Variants in ADCY8 observed in about 807,000 individuals in gnomAD.
ADCY8 encodes the protein adenylate cyclase type 8.
ADCY8 carries 51 observed loss-of-function variants against 119.7 expected under a neutral mutation model. That is an observed-to-expected ratio of 0.43 (90% CI 0.34 to 0.54). ADCY8 has a LOEUF of 0.54. Ranked by LOEUF, ADCY8 falls within the 20% of genes least tolerant of loss-of-function variation. ADCY8 has a pLI of 0.03. For missense variants in ADCY8, 1,383 were observed against 1,598.8 expected, an observed-to-expected ratio of 0.87 and a Z score of 2.30; for synonymous variants, 665 against 651.0, an observed-to-expected ratio of 1.02 and a Z score of -0.33.
At chr8:130,942,418 C>T (rs1820983395) in intron 4 of ADCY8, among the ~76,000 whole-genome samples, 1 of 152,226 alleles carries the variant, frequency 6.6e-6, no homozygotes, top group Non-Finnish European at 1.5e-5. Flanking sequence ...GCACATTTTA[C>T]ATTCCTTACC....
At chr8:130,865,850 G>A (rs1388058452) in intron 9 of ADCY8, among the ~76,000 whole-genome samples, 2 of 152,106 alleles carry the variant, frequency 1.3e-5, no homozygotes, top group African/African-American at 4.8e-5. Context: ...TAGATGATCA[G>A]TTTCACGAGT....
chr8:130,860,799 A>C (rs1817901973), intron 9 of ADCY8, among the ~76,000 whole-genome samples: 2 of 150,130 alleles, frequency 1.3e-5, no homozygotes, highest in African/African-American at 2.5e-5. Flanking sequence ...CTTGCCCCCC[A>C]CCCCCAACAG....
chr8:130,797,400 T>C (rs1255667316), intron 15 of ADCY8, among the ~76,000 whole-genome samples: 1 of 152,208 alleles, frequency 6.6e-6, no homozygotes, highest in African/African-American at 2.4e-5. Context: ...TAGTCAGATA[T>C]TTTTAATAGG....
At chr8:130,962,328 A>G (rs1422684991) in intron 2 of ADCY8, among the ~76,000 whole-genome samples, 2 of 152,020 alleles carry the variant, frequency 1.3e-5, no homozygotes, top group South Asian at 2.1e-4. Context: ...ACGATTCCCA[A>G]CTCCTGCTGG....
intron 2 of ADCY8, among the ~76,000 whole-genome samples, chr8:130,963,965 A>G (rs1282077169): frequency 9.8e-5 from 15 of 152,288 alleles, no homozygotes; most frequent in African/African-American, 2.6e-4. Flanking sequence ...TTCCACCCCA[A>G]TGTTTTAGAC....
chr8:131,003,003 C>A (rs1208474118), intron 1 of ADCY8, among the ~76,000 whole-genome samples: 1 of 152,138 alleles, frequency 6.6e-6, no homozygotes, highest in Non-Finnish European at 1.5e-5. Context: ...GAGTTCAAGA[C>A]CACCCTGGTC....
chr8:130,921,060 C>A (rs561879783), intron 5 of ADCY8, among the ~76,000 whole-genome samples: 1 of 152,282 alleles, frequency 6.6e-6, no homozygotes, highest in Non-Finnish European at 1.5e-5. Context: ...AACACAAACA[C>A]CTTCCTGTCA....
rs189193288 is a variant in ADCY8 at position 130,955,454 on chromosome 8, C to A, written c.1111-3456G>T. 2.0e-5 allele frequency among the ~76,000 whole-genome samples: 3 copies of A among 152,178 alleles called. No homozygotes were observed. In the East Asian group the frequency reaches 5.8e-4, roughly 29 times the overall value. ...TGTTCCTAAAAAAATCCCTCCAAGC[C>A]CCATTTTCAGAAATTGAAAATGTAA... On this transcript the variant is annotated intron_variant, in intron 2 of 17. Transcript: ENST00000286355.
At chr8:130,812,277 C>CATT (rs139287011) in intron 14 of ADCY8, among the ~76,000 whole-genome samples, 23,862 of 152,112 alleles carry the variant, frequency 0.16, 2,196 homozygotes, top group African/African-American at 0.25. Context: ...GGAGCTTGAC[C>CATT]ATTAGGCTCT....
chr8:131,010,047 G>A lies in ADCY8; in HGVS notation c.961-19505C>T. ...CTGCAAAGTATGACTGCATTGTTTT[G>A]TATGAAAAAGAAAGACAGCTTAGAT... On this transcript the variant is annotated intron_variant, in intron 1 of 17. Transcript: ENST00000286355. Among the ~76,000 whole-genome samples the A allele has an allele frequency of 1.3e-5, 2 of 152,130 alleles. 1 individual carries two copies. Among genetic ancestry groups the A allele is most frequent in the Non-Finnish European group, 2.9e-5 (2 of 68,016 alleles).
chr8:130,829,613 A>G (rs992528406), intron 12 of ADCY8, among the ~76,000 whole-genome samples: 1 of 152,054 alleles, frequency 6.6e-6, no homozygotes, highest in Non-Finnish European at 1.5e-5. Context: ...TGAAAGGATT[A>G]TAAGGAAGGT....
chr8:130,894,047 T>C (rs961858549), intron 7 of ADCY8, among the ~76,000 whole-genome samples: 4 of 152,172 alleles, frequency 2.6e-5, no homozygotes, highest in African/African-American at 9.6e-5. Context: ...AAATTGCTCA[T>C]GTTTGGTGTT....
chr8:131,000,084 G>A (rs1023961134), intron 1 of ADCY8, among the ~76,000 whole-genome samples: 9 of 152,192 alleles, frequency 5.9e-5, no homozygotes, highest in African/African-American at 2.2e-4. Context: ...TTTAATTTCA[G>A]TGAGGAAGGA....
At chr8:130,928,614 T>A (rs1040965256) in intron 5 of ADCY8, among the ~76,000 whole-genome samples, 1 of 152,254 alleles carries the variant, frequency 6.6e-6, no homozygotes, top group African/African-American at 2.4e-5. Flanking sequence ...CATCCTGGGA[T>A]GAATCCTACT....
chr8:131,013,382 AG>A (rs1823371330), intron 1 of ADCY8, among the ~76,000 whole-genome samples: 1 of 152,170 alleles, frequency 6.6e-6, no homozygotes, highest in African/African-American at 2.4e-5. Context: ...GGAAGGAGGA[AG>A]GGAAGAGGTC....
At chr8:130,958,798 A>G (rs1198932116) in intron 2 of ADCY8, among the ~76,000 whole-genome samples, 5 of 151,704 alleles carry the variant, frequency 3.3e-5, no homozygotes, top group African/African-American at 1.2e-4. Flanking sequence ...ACCATATCAC[A>G]CTCTTTTCCT....
chr8:130,877,376 C>G (rs1818606497), intron 8 of ADCY8, among the ~76,000 whole-genome samples: 1 of 152,136 alleles, frequency 6.6e-6, no homozygotes, highest in East Asian at 1.9e-4. Context: ...GGAGTGGACA[C>G]AAACAGAATC....
At chr8:130,974,421 A>G (rs77002494) in intron 2 of ADCY8, among the ~76,000 whole-genome samples, 1,837 of 152,334 alleles carry the variant, frequency 0.012, 46 homozygotes, top group African/African-American at 0.042. Context: ...CCAGTGCAGT[A>G]TTTTTTAAAT....
intron 13 of ADCY8, 109 bp downstream of exon 13, chr8:130,821,233 C>T (rs1028063346): frequency 1.3e-5 from 11 of 827,448 alleles, no homozygotes; most frequent in Non-Finnish European, 1.9e-5. Flanking sequence ...AGAACCACAA[C>T]TTGCCACAGG....
Sources: gnomAD v4.1 joint callset for allele counts (sites outside exome capture counted in the v4.1 genomes callset) on GRCh38, gnomAD v4.1.1 for gene constraint, MANE v1.5 for transcripts, NCBI Gene and HGNC (gene_info 2026-07-23, HGNC 2026-07-21) for gene names.